ERBB4: variants seen among roughly 807,000 people sequenced by gnomAD.
ERBB4 encodes erb-b2 receptor tyrosine kinase 4.
A neutral mutation model predicts 158.0 loss-of-function variants in ERBB4; 42 were observed. The observed-to-expected ratio is 0.27, with a 90% CI of 0.21 to 0.34. The LOEUF is 0.34. ERBB4 is among the 10% of genes least tolerant of loss of function. The pLI, the probability that ERBB4 is intolerant of heterozygous loss-of-function variation, is 1.00. For missense variants in ERBB4, 1,333 were observed against 1,624.1 expected, an observed-to-expected ratio of 0.82 and a Z score of 3.08; for synonymous variants, 583 against 558.7, an observed-to-expected ratio of 1.04 and a Z score of -0.61.
At chr2:211,800,294 A>G (rs1367767199) in intron 3 of ERBB4, among the ~76,000 whole-genome samples, 2 of 152,154 alleles carry the variant, frequency 1.3e-5, no homozygotes, top group Admixed American at 6.5e-5. Context: ...CAGAAATCCT[A>G]TGAGGTAATT....
intron 1 of ERBB4, among the ~76,000 whole-genome samples, chr2:212,254,831 T>A (rs1212123887): frequency 6.6e-6 from 1 of 152,166 alleles, no homozygotes; most frequent in Non-Finnish European, 1.5e-5. Flanking sequence ...GATGGCTAGT[T>A]ATACAAACCA....
At chr2:211,757,749 A>G (rs1212159528) in intron 4 of ERBB4, among the ~76,000 whole-genome samples, 1 of 152,202 alleles carries the variant, frequency 6.6e-6, no homozygotes, top group African/African-American at 2.4e-5. Context: ...CTGGCACAAA[A>G]GTTGTGCAAA....
intron 1 of ERBB4, among the ~76,000 whole-genome samples, chr2:212,132,235 ATTTACCT>A (rs781157454): frequency 5.3e-5 from 8 of 152,176 alleles, no homozygotes; most frequent in Non-Finnish European, 1.0e-4. Context: ...AGATGAAATC[ATTTACCT>A]TTTATTGTCT....
intron 3 of ERBB4, among the ~76,000 whole-genome samples, chr2:211,910,868 C>T (rs1398147618): frequency 6.6e-6 from 1 of 152,030 alleles, no homozygotes; most frequent in African/African-American, 2.4e-5. Flanking sequence ...AATATTATTA[C>T]ATCTCTTATC....
At chr2:212,260,154 T>C (rs1030125137) in intron 1 of ERBB4, among the ~76,000 whole-genome samples, 3 of 151,980 alleles carry the variant, frequency 2.0e-5, no homozygotes, top group Non-Finnish European at 2.9e-5. Context: ...ATATCCACCT[T>C]AAAGGAGATA....
intron 1 of ERBB4, among the ~76,000 whole-genome samples, chr2:212,433,102 G>C (rs375852099): frequency 1.2e-4 from 18 of 152,018 alleles, no homozygotes; most frequent in Non-Finnish European, 2.2e-4. Context: ...ACAGTATAGA[G>C]AGTTACATAT....
In ERBB4 at chr2:211,614,327, AG is replaced by A. The variant is rs148546541; in HGVS notation, c.2301+4849del. ...AATAAAATAAAATGTAAAAATATAA[AG>A]AATGAATAAGGCCTACTATTTGATA... On this transcript the variant is annotated intron_variant, in intron 19 of 27. Coordinates refer to ENST00000342788, the MANE Select transcript of ERBB4 (RefSeq NM_005235.3). Among the ~76,000 whole-genome samples, 951 of 152,158 alleles carry A rather than the reference AG, an allele frequency of 6.3e-3. 11 individuals carry two copies. The highest frequency in any genetic ancestry group is 0.021 in the African/African-American group (890 of 41,554).
intron 21 of ERBB4, 84 bp downstream of exon 21, chr2:211,430,861 A>AT: frequency 8.4e-7 from 1 of 1,191,662 alleles, no homozygotes; most frequent in Non-Finnish European, 1.2e-6. Flanking sequence ...CTTCAGGCTT[A>AT]TTGGTTTCTT....
intron 20 of ERBB4, among the ~76,000 whole-genome samples, chr2:211,524,018 G>C (rs114173253): frequency 0.12 from 18,560 of 151,948 alleles, 1,958 homozygotes; most frequent in African/African-American, 0.29. Flanking sequence ...ACCAGAATAG[G>C]TAGATACAGA....
intron 1 of ERBB4, among the ~76,000 whole-genome samples, chr2:212,316,616 A>C (rs562317603): frequency 4.6e-4 from 70 of 151,632 alleles, no homozygotes; most frequent in East Asian, 3.7e-3. Flanking sequence ...AGTCCCTGGC[A>C]TTCTGATAAA....
chr2:212,086,753 C>T (rs182307042), intron 2 of ERBB4, among the ~76,000 whole-genome samples: 21 of 152,134 alleles, frequency 1.4e-4, no homozygotes, highest in Admixed American at 1.0e-3. Context: ...GTTAAAGCAA[C>T]GGCTTCCCCT....
chr2:212,109,062 T>C (rs561461794), intron 2 of ERBB4, among the ~76,000 whole-genome samples: 1 of 152,288 alleles, frequency 6.6e-6, no homozygotes, highest in South Asian at 2.1e-4. Flanking sequence ...TTGGTAATAA[T>C]GACAATGTCA....
At chr2:211,773,697 T>C (rs2075798260) in intron 4 of ERBB4, among the ~76,000 whole-genome samples, 2 of 140,660 alleles carry the variant, frequency 1.4e-5, no homozygotes, top group Non-Finnish European at 3.1e-5. Flanking sequence ...GAAGTATATA[T>C]ACTTTATAGT....
chr2:211,854,935 C>G (rs553645469), intron 3 of ERBB4, among the ~76,000 whole-genome samples: 1 of 152,128 alleles, frequency 6.6e-6, no homozygotes, highest in African/African-American at 2.4e-5. Context: ...GCTATTGCTA[C>G]GCAGTTTCCC....
At chr2:211,948,207 C>A (rs776026308) in intron 2 of ERBB4, among the ~76,000 whole-genome samples, 1 of 151,902 alleles carries the variant, frequency 6.6e-6, no homozygotes. Flanking sequence ...GAGGCTGAGG[C>A]GAGTGGATCA....
chr2:211,951,766 A>G (rs113871282), intron 2 of ERBB4, among the ~76,000 whole-genome samples: 17 of 152,164 alleles, frequency 1.1e-4, no homozygotes, highest in African/African-American at 3.4e-4. Context: ...TCTGTTTATT[A>G]CCCTCTGTTC....
chr2:211,518,457 C>T (rs2066098096), intron 20 of ERBB4, among the ~76,000 whole-genome samples: 1 of 152,050 alleles, frequency 6.6e-6, no homozygotes, highest in African/African-American at 2.4e-5. Context: ...AGATCGAGGC[C>T]AGCTTGACCA....
chr2:212,402,554 A>C (rs889770924), intron 1 of ERBB4, among the ~76,000 whole-genome samples: 7 of 152,116 alleles, frequency 4.6e-5, no homozygotes, highest in Non-Finnish European at 4.4e-5. Flanking sequence ...CTTTTTGATT[A>C]TAATATTATA....
At chr2:212,339,244 A>G (rs572312235) in intron 1 of ERBB4, among the ~76,000 whole-genome samples, 1 of 152,178 alleles carries the variant, frequency 6.6e-6, no homozygotes, top group Admixed American at 6.5e-5. Context: ...GCTCCCACTT[A>G]TAAGTGAGAA....
Sources: gnomAD v4.1 joint callset for allele counts (sites outside exome capture counted in the v4.1 genomes callset) on GRCh38, gnomAD v4.1.1 for gene constraint, MANE v1.5 for transcripts, NCBI Gene and HGNC (gene_info 2026-07-23, HGNC 2026-07-21) for gene names.